The following TSPEAR variants were observed in gnomAD, a reference collection of about 807,000 sequenced individuals.
TSPEAR encodes the protein thrombospondin type laminin G domain and EAR repeats.
TSPEAR carries 69 observed loss-of-function variants against 71.6 expected under a neutral mutation model. The ratio of observed to expected loss-of-function variants is 0.96; its 90% CI spans 0.79 to 1.18. The LOEUF (loss-of-function observed/expected upper bound fraction) is 1.18, where lower values mean the gene tolerates loss of function less well. TSPEAR is among the 50% of genes most tolerant of loss of function. TSPEAR has a pLI of 0.00. For synonymous variants in TSPEAR, 402 were observed against 387.2 expected, an observed-to-expected ratio of 1.04 and a Z score of -0.45; for missense variants, 971 against 894.9, an observed-to-expected ratio of 1.09 and a Z score of -1.09.
chr21:44,658,396 G>A, intron 1 of TSPEAR: 2 of 919,434 alleles, frequency 2.2e-6, no homozygotes, highest in South Asian at 3.4e-5. Context: ...GAACTCTGGG[G>A]TGAGAACGTG....
intron 1 of TSPEAR, chr21:44,697,309 CTG>C (rs1159935514): frequency 6.2e-7 from 1 of 1,613,548 alleles, no homozygotes; most frequent in African/African-American, 1.3e-5. Context: ...CAGAGAGCTG[CTG>C]TGAGCCCCCC....
At chr21:44,682,650 C>T (rs533332877) in intron 1 of TSPEAR, among the ~76,000 whole-genome samples, 1 of 152,222 alleles carries the variant, frequency 6.6e-6, no homozygotes, top group Admixed American at 6.5e-5. Flanking sequence ...TTTCAGGCAG[C>T]CGTCAACCAG....
chr21:44,499,655 C>G lies in TSPEAR; in HGVS notation c.*128G>C. On this transcript the variant is annotated 3_prime_UTR_variant, in exon 12 of 12. Coordinates refer to ENST00000323084, the MANE Select transcript of TSPEAR (RefSeq NM_144991.3). ...CCAGGGCCGCAGATGGCCCCACCTG[C>G]ACCCTGCCTGATGCCCAGGCCCGGG... The G allele has an allele frequency of 1.9e-6, 2 of 1,025,908 alleles. No homozygotes were observed. The highest frequency in any genetic ancestry group is 2.7e-6 in the Non-Finnish European group (2 of 736,630). 63.6% of individuals were successfully genotyped at this position (1,025,908 alleles called of 1,614,324 possible).
chr21:44,604,827 T>A (rs1555929579), intron 1 of TSPEAR, among the ~76,000 whole-genome samples: 2 of 152,260 alleles, frequency 1.3e-5, no homozygotes, highest in Non-Finnish European at 2.9e-5. Flanking sequence ...AATGGTCTTT[T>A]GCATCTATTG....
chr21:44,697,391 C>G (rs370764650), intron 1 of TSPEAR: 2 of 1,613,462 alleles, frequency 1.2e-6, no homozygotes, highest in Non-Finnish European at 1.7e-6. Context: ...CCCCTGCTGC[C>G]GAGTGACCTG....
intron 1 of TSPEAR, chr21:44,676,345 A>G: frequency 1.7e-6 from 2 of 1,159,708 alleles, no homozygotes; most frequent in South Asian, 2.4e-5. Context: ...GTTGGCTTTG[A>G]TGGCCTCAAC....
At position 44,637,778 on chromosome 21, in the gene TSPEAR, G is replaced by A. The variant is rs148816939; in HGVS notation, c.83-69773C>T. On this transcript the variant is annotated intron_variant, in intron 1 of 11. Coordinates refer to ENST00000323084, the MANE Select transcript of TSPEAR (RefSeq NM_144991.3). ...TGTGTGCTTCGTGCCTACCTGCTCC[G>A]AGTCTTCCCCTTCATGCTGCCAGCA... 1.6e-5 allele frequency: 22 copies of A among 1,353,738 alleles called. No individual in the cohort carries two copies. The African/African-American group carries it at 2.3e-4, about 14-fold the overall frequency. 83.9% of individuals were successfully genotyped at this position (1,353,738 alleles called of 1,614,324 possible). A position where few individuals can be genotyped will look rare whatever the true frequency, so the allele number is the denominator to read the frequency against.
chr21:44,676,076 A>T (rs1986299598), intron 1 of TSPEAR: 1 of 875,034 alleles, frequency 1.1e-6, no homozygotes, highest in East Asian at 2.4e-5. Context: ...ATATGACAGT[A>T]ATTTAAACGT....
intron 2 of TSPEAR, chr21:44,558,482 C>G: frequency 3.1e-6 from 5 of 1,613,918 alleles, no homozygotes; most frequent in Non-Finnish European, 4.2e-6. Context: ...GCTGGCAGCA[C>G]GAGGGCGTGC....
intron 4 of TSPEAR, 90 bp downstream of exon 4, chr21:44,530,953 G>T: frequency 9.7e-7 from 1 of 1,031,200 alleles, no homozygotes; most frequent in Non-Finnish European, 1.5e-6. Context: ...GCACGTCCAA[G>T]GATCTGTCAA....
chr21:44,634,974 T>C (rs1035804892), intron 1 of TSPEAR, among the ~76,000 whole-genome samples: 1 of 152,188 alleles, frequency 6.6e-6, no homozygotes, highest in Non-Finnish European at 1.5e-5. Flanking sequence ...TGGAATTCCA[T>C]ACAACTCATC....
Position 44,539,739 on chromosome 21 carries a change from G to T in TSPEAR, c.304-5816C>A, listed in dbSNP as rs782611452. On this transcript the variant is annotated intron_variant, in intron 2 of 11. Coordinates refer to ENST00000323084, the MANE Select transcript of TSPEAR (RefSeq NM_144991.3). ...CAAACAGGCACACAGCAGGACTGCT[G>T]GCTGGAGGAAGAGGCACAGCAAGTT... 1.2e-6 allele frequency: 2 copies of T among 1,612,462 alleles called. No individual in the cohort carries two copies. Among genetic ancestry groups the T allele is most frequent in the Non-Finnish European group, 1.7e-6 (2 of 1,179,332 alleles).
At chr21:44,638,202 C>A (rs1555937667) in intron 1 of TSPEAR, 5 of 1,581,592 alleles carry the variant, frequency 3.2e-6, no homozygotes, top group Non-Finnish European at 3.4e-6. Context: ...GGAGTCCCTT[C>A]CCACCAGGGG....
intron 1 of TSPEAR, chr21:44,579,869 A>G: frequency 6.3e-7 from 1 of 1,597,600 alleles, no homozygotes; most frequent in South Asian, 1.1e-5. Flanking sequence ...GCAGGAGGAG[A>G]TGGGCAGGCA....
At chr21:44,511,285 T>C (rs1254179766) in intron 9 of TSPEAR, among the ~76,000 whole-genome samples, 1 of 152,152 alleles carries the variant, frequency 6.6e-6, no homozygotes, top group African/African-American at 2.4e-5. Context: ...TACACAAACA[T>C]GGATGTGCAC....
chr21:44,631,649 C>T (rs6518197), intron 1 of TSPEAR, among the ~76,000 whole-genome samples: 95,545 of 152,008 alleles, frequency 0.63, 30,382 homozygotes, highest in Admixed American at 0.68. Context: ...TCACTTGAAC[C>T]TGGGAAGCGG....
chr21:44,575,010 C>T, intron 1 of TSPEAR: 1 of 1,600,256 alleles, frequency 6.2e-7, no homozygotes, highest in Non-Finnish European at 8.5e-7. Context: ...CCGCTCAGGT[C>T]AGAAGCCCAG....
chr21:44,590,922 C>A (rs1979755161), intron 1 of TSPEAR, among the ~76,000 whole-genome samples: 2 of 152,200 alleles, frequency 1.3e-5, no homozygotes, highest in South Asian at 4.1e-4. Context: ...AGGCCAGCAC[C>A]AGAAGGCATT....
At chr21:44,654,174 C>A in intron 1 of TSPEAR, 1 of 955,202 alleles carries the variant, frequency 1.0e-6, no homozygotes, top group Non-Finnish European at 1.6e-6. Context: ...AGTCAGGTGA[C>A]GACAGTTTGC....
Sources: allele counts gnomAD v4.1 joint callset (sites outside exome capture counted in the v4.1 genomes callset), GRCh38; gene constraint gnomAD v4.1.1; transcripts MANE v1.5; gene names NCBI Gene and HGNC (gene_info 2026-07-23, HGNC 2026-07-21).